QTMAN: variants seen among roughly 807,000 people sequenced by gnomAD.
QTMAN encodes tRNA-queuosine alpha-mannosyltransferase.
chr2:144,047,769 T>C, the QTMAN span, among the ~76,000 whole-genome samples: 2 of 152,334 alleles, frequency 1.3e-5, no homozygotes, highest in Admixed American at 6.5e-5. Context: ...GAGACAATTA[T>C]AAGGAAATTG....
At chr2:144,329,645 CA>C in the QTMAN span, among the ~76,000 whole-genome samples, 11 of 152,286 alleles carry the variant, frequency 7.2e-5, no homozygotes, top group Middle Eastern at 3.4e-3. Context: ...GAGTGACTAA[CA>C]TAAGTTACAG....
At chr2:144,322,761 T>G in the QTMAN span, among the ~76,000 whole-genome samples, 1 of 152,218 alleles carries the variant, frequency 6.6e-6, no homozygotes, top group South Asian at 2.1e-4. Context: ...ATATATGAAC[T>G]CTTTGTATTC....
At chr2:143,995,671 C>T in the QTMAN span, among the ~76,000 whole-genome samples, 1 of 152,096 alleles carries the variant, frequency 6.6e-6, no homozygotes, top group Non-Finnish European at 1.5e-5. Context: ...TATAACTAGG[C>T]TATAATTGCT....
At chr2:144,077,050 CAAA>C in the QTMAN span, among the ~76,000 whole-genome samples, 25 of 134,062 alleles carry the variant, frequency 1.9e-4, no homozygotes, top group African/African-American at 5.3e-4. Flanking sequence ...TTCAAAAAGC[CAAA>C]AAAAAAAAAA....
the QTMAN span, among the ~76,000 whole-genome samples, chr2:144,133,256 A>AATATATATAAATATATATTTATATAT: frequency 3.9e-5 from 2 of 51,140 alleles, no homozygotes; most frequent in Non-Finnish European, 5.8e-5. Context: ...AATATATATA[A>AATATATATAAATATATATTTATATAT]ATATATATAA....
chr2:143,943,201 G>T, the QTMAN span: 4 of 152,036 alleles, frequency 2.6e-5, no homozygotes, highest in Admixed American at 6.6e-5. Flanking sequence ...TTGCTCGCAT[G>T]TTTTTCAAAC....
chr2:144,004,269 A>G, the QTMAN span, among the ~76,000 whole-genome samples: 38 of 152,188 alleles, frequency 2.5e-4, no homozygotes, highest in African/African-American at 7.9e-4. Flanking sequence ...AACAAGAAAC[A>G]CAACCCTGGT....
the QTMAN span, among the ~76,000 whole-genome samples, chr2:144,043,597 C>A: frequency 6.6e-6 from 1 of 151,046 alleles, no homozygotes; most frequent in Non-Finnish European, 1.5e-5. Flanking sequence ...CACGCCACTG[C>A]ACTCCAGTCT....
chr2:144,196,489 C>A, the QTMAN span, among the ~76,000 whole-genome samples: 2 of 152,014 alleles, frequency 1.3e-5, no homozygotes, highest in African/African-American at 4.8e-5. Context: ...CATTTTAGAT[C>A]CCTACTATAG....
chr2:144,287,123 T>G, the QTMAN span, among the ~76,000 whole-genome samples: 1 of 152,158 alleles, frequency 6.6e-6, no homozygotes, highest in Non-Finnish European at 1.5e-5. Context: ...TTAGCCAAGG[T>G]TGACTGCAGA....
At chr2:144,039,166 ATAC>A in the QTMAN span, among the ~76,000 whole-genome samples, 1 of 152,216 alleles carries the variant, frequency 6.6e-6, no homozygotes. Context: ...AGTTTTAGAC[ATAC>A]TACATTAAAT....
the QTMAN span, among the ~76,000 whole-genome samples, chr2:144,171,991 A>T: frequency 6.6e-6 from 1 of 152,152 alleles, no homozygotes; most frequent in Non-Finnish European, 1.5e-5. Context: ...TTCACATTTT[A>T]TGTGTTCTCA....
At chr2:144,025,872 C>G in the QTMAN span, among the ~76,000 whole-genome samples, 1 of 152,204 alleles carries the variant, frequency 6.6e-6, no homozygotes, top group South Asian at 2.1e-4. Context: ...AAGGCATGAA[C>G]AGATGTATAA....
At chr2:144,057,598 A>C in the QTMAN span, among the ~76,000 whole-genome samples, 1 of 152,146 alleles carries the variant, frequency 6.6e-6, no homozygotes, top group Non-Finnish European at 1.5e-5. Flanking sequence ...TCTGATTTTC[A>C]ATTTGACCAT....
chr2:144,326,753 G>C, the QTMAN span, among the ~76,000 whole-genome samples: 1 of 152,166 alleles, frequency 6.6e-6, no homozygotes, highest in Admixed American at 6.5e-5. Context: ...TGTATCACCT[G>C]CTATATGTAC....
the QTMAN span, among the ~76,000 whole-genome samples, chr2:144,079,625 T>C: frequency 9.9e-5 from 15 of 152,164 alleles, no homozygotes; most frequent in South Asian, 3.1e-3. Flanking sequence ...GTTAAACTTC[T>C]TTCCATTAAA....
the QTMAN span, among the ~76,000 whole-genome samples, chr2:144,290,601 C>A: frequency 6.6e-6 from 1 of 152,240 alleles, no homozygotes; most frequent in African/African-American, 2.4e-5. Context: ...CCTACCCAAT[C>A]TGCCCATGTT....
At chr2:144,287,561 T>C in the QTMAN span, among the ~76,000 whole-genome samples, 2 of 151,902 alleles carry the variant, frequency 1.3e-5, no homozygotes, top group African/African-American at 4.8e-5. Context: ...AAAAACACTT[T>C]GTTTCTTAGG....
chr2:144,228,985 A>C, the QTMAN span, among the ~76,000 whole-genome samples: 1 of 152,188 alleles, frequency 6.6e-6, no homozygotes, highest in Non-Finnish European at 1.5e-5. Flanking sequence ...GAGAGATTAC[A>C]AAACAACAGT....
Sources: allele counts gnomAD v4.1 joint callset (sites outside exome capture counted in the v4.1 genomes callset), GRCh38; gene constraint gnomAD v4.1.1; transcripts MANE v1.5; gene names NCBI Gene and HGNC (gene_info 2026-07-23, HGNC 2026-07-21).